Variants in SEMA4B observed in about 807,000 individuals in gnomAD.
SEMA4B encodes semaphorin-4B.
A neutral mutation model predicts 88.1 loss-of-function variants in SEMA4B; 55 were observed. The observed-to-expected ratio is 0.62, with a 90% CI of 0.50 to 0.78. SEMA4B has a LOEUF of 0.78. SEMA4B is among the 30% of genes least tolerant of loss of function. The pLI is 0.00. For synonymous variants in SEMA4B, 525 were observed against 473.6 expected (o/e 1.11, Z -1.41); for missense variants, 1,062 against 1,111.9 (o/e 0.96, Z 0.64).
intron 1 of SEMA4B, among the ~76,000 whole-genome samples, chr15:90,191,641 G>T (rs576718061): frequency 6.6e-6 from 1 of 152,338 alleles, no homozygotes; most frequent in East Asian, 1.9e-4. Flanking sequence ...GAACCTGTGT[G>T]CTCAACCACT....
At chr15:90,189,611 A>G (rs2151582430) in intron 1 of SEMA4B, among the ~76,000 whole-genome samples, 1 of 152,142 alleles carries the variant, frequency 6.6e-6, no homozygotes, top group East Asian at 1.9e-4. Context: ...ATTTCATGTC[A>G]AGGTTATATA....
chr15:90,227,242 C>A, intron 12 of SEMA4B: 1 of 303,144 alleles, frequency 3.3e-6, no homozygotes, highest in Non-Finnish European at 6.2e-6. Flanking sequence ...GAGATGGGGT[C>A]TCGCTATGTT....
Position 90,212,754 on chromosome 15 carries a change from C to T in SEMA4B, c.158-4685C>T, listed in dbSNP as rs1961334300. On this transcript the variant is annotated intron_variant, in intron 1 of 13. Transcript: ENST00000411539. This position sits in a 1 kb window ranked among gnomAD's most constrained non-coding sequence, Gnocchi z 4.0. ...GCACCTGGGCCCTTAGACAGTAACA[C>T]CACTCACACCGAGCACAGACCAGCT... 6.6e-6 allele frequency among the ~76,000 whole-genome samples: 1 copy of T among 152,208 alleles called. No individual in the cohort carries two copies. The highest frequency in any genetic ancestry group is 2.1e-4 in the South Asian group (1 of 4,834).
Position 90,229,620 on chromosome 15 carries a change from TTA to T in SEMA4B, c.*979_*980del, listed in dbSNP as rs1031532013. The T allele has an allele frequency of 2.7e-5, 9 of 334,452 alleles. No individual in the cohort carries two copies. Among genetic ancestry groups the T allele is most frequent in the South Asian group, 1.4e-4 (6 of 44,328 alleles). 20.7% of individuals were successfully genotyped at this position (334,452 alleles called of 1,614,324 possible). On this transcript the variant is annotated 3_prime_UTR_variant, in exon 14 of 14. Coordinates refer to ENST00000411539, the MANE Select transcript of SEMA4B (RefSeq NM_198925.4). ...TATACATTTTTTAATAAGATGCACTTTATGTCATTTTTTAATAAAGTCTGAAG... is the reference window on the plus strand; with the variant it reads ...TATACATTTTTTAATAAGATGCACTTTGTCATTTTTTAATAAAGTCTGAAG...
chr15:90,202,282 C>G (rs1163732973), intron 1 of SEMA4B, among the ~76,000 whole-genome samples: 5 of 152,138 alleles, frequency 3.3e-5, no homozygotes, highest in African/African-American at 1.2e-4. Context: ...TGGGAGCGAC[C>G]AGACTGCGGA....
chr15:90,217,883 A>G (rs896058753), intron 3 of SEMA4B, 54 bp downstream of exon 3: 7 of 1,482,078 alleles, frequency 4.7e-6, no homozygotes, highest in African/African-American at 4.2e-5. Context: ...AGGGTGGTGG[A>G]CTTCCATCCA....
chr15:90,200,932 C>T (rs1304938914), upstream of SEMA4B, among the ~76,000 whole-genome samples: 1 of 152,180 alleles, frequency 6.6e-6, no homozygotes, highest in Non-Finnish European at 1.5e-5. Flanking sequence ...GTCGCAGGAA[C>T]AAGGGGGTCG....
chr15:90,203,885 C>T (rs1567047474), intron 1 of SEMA4B, among the ~76,000 whole-genome samples: 1 of 152,208 alleles, frequency 6.6e-6, no homozygotes, highest in Admixed American at 6.5e-5. Flanking sequence ...AGTGTAGTGG[C>T]ACCTAGCTAC....
chr15:90,201,461 C>T lies in SEMA4B; in HGVS notation c.-118C>T, dbSNP rs1960718223. On this transcript the variant is annotated 5_prime_UTR_variant, in exon 1 of 14. Coordinates refer to ENST00000411539, the MANE Select transcript of SEMA4B (RefSeq NM_198925.4). ...TTTCCCACCTCCCGCCCCCCAGGTC[C>T]GGAGGCGGGGGCCCCCGGGGCGACT... is the stretch of plus-strand genomic sequence containing the variant. 28 of 1,305,380 alleles carry T rather than the reference C, an allele frequency of 2.1e-5. No homozygotes were observed. Among genetic ancestry groups the T allele is most frequent in the Non-Finnish European group, 2.6e-5 (27 of 1,030,238 alleles). 80.9% of individuals were successfully genotyped at this position (1,305,380 alleles called of 1,614,324 possible). A position where few individuals can be genotyped will look rare whatever the true frequency, so the allele number is the denominator to read the frequency against.
rs1226444747 is a variant in SEMA4B, at chr15:90,201,596, G to A, written c.18G>A (p.Met6Ile). Residue 6 changes from methionine to isoleucine, a missense_variant, in exon 1 of 14, where the codon ATG (methionine) becomes ATA (isoleucine). Transcript: ENST00000411539. The stretch of plus-strand genomic sequence containing the variant: ...CTCTCCGAATGCTGCGCACCGCGAT[G>A]GGCCTGAGGAGCTGGCTCGCCGCCC... MLRTA[M>I]GLRSWLAAPW... 1 of 1,506,214 alleles carries A rather than the reference G, an allele frequency of 6.6e-7. No individual in the cohort carries two copies. The highest frequency in any genetic ancestry group is 1.2e-5 in the South Asian group (1 of 81,526). The allele number at this position is 1,506,214 out of a possible 1,614,324, so 93.3% of individuals were successfully genotyped here. A position where few individuals can be genotyped will look rare whatever the true frequency, so the allele number is the denominator to read the frequency against.
intron 9 of SEMA4B, among the ~76,000 whole-genome samples, chr15:90,224,415 A>G (rs1962034479): frequency 1.3e-5 from 2 of 152,212 alleles, no homozygotes; most frequent in Non-Finnish European, 2.9e-5. Context: ...CAAATAGTTT[A>G]TTAGGGAGGT....
intron 1 of SEMA4B, among the ~76,000 whole-genome samples, chr15:90,185,252 C>G (rs993912968): frequency 6.6e-6 from 1 of 152,240 alleles, no homozygotes; most frequent in Non-Finnish European, 1.5e-5. Flanking sequence ...GGCCCGCCGC[C>G]CGGGGAGCCT....
Position 90,216,092 on chromosome 15 carries a change from G to A in SEMA4B, c.158-1347G>A, listed in dbSNP as rs538196433. ...CAACCTCTGCATCCCAGGTTCAAGC[G>A]ATTCTCCTGCCTCAGCCTCCCGAGT... On this transcript the variant is annotated intron_variant, in intron 1 of 13. Transcript: ENST00000411539. Among the ~76,000 whole-genome samples, 6 of 151,384 alleles carry A rather than the reference G, an allele frequency of 4.0e-5. No individual in the cohort carries two copies. In the South Asian group the frequency reaches 6.3e-4, roughly 16 times the overall value.
At chr15:90,220,202 T>C (rs1283172654) in intron 4 of SEMA4B, 1 of 309,660 alleles carries the variant, frequency 3.2e-6, no homozygotes, top group Non-Finnish European at 6.0e-6. Flanking sequence ...CTTGATTCTC[T>C]TGTCTTATCT....
rs1224220546 is a variant in SEMA4B, at chr15:90,201,464, AGGCGGGGGCCCCCGGGGCGACTCGGG to A, written c.-109_-84del. ...CCCACCTCCCGCCCCCCAGGTCCGGAGGCGGGGGCCCCCGGGGCGACTCGGGGGCGGACCGCGGGGCGGAGCTGCCG... is the reference window on the plus strand; with the variant it reads ...CCCACCTCCCGCCCCCCAGGTCCGGAGGCGGACCGCGGGGCGGAGCTGCCG... On this transcript the variant is annotated 5_prime_UTR_variant, in exon 1 of 14. Coordinates refer to ENST00000411539, the MANE Select transcript of SEMA4B (RefSeq NM_198925.4). The A allele has an allele frequency of 4.6e-6, 6 of 1,304,692 alleles. No homozygotes were observed. The African/African-American group carries it at 7.8e-5, about 17-fold the overall frequency. 80.8% of individuals were successfully genotyped at this position (1,304,692 alleles called of 1,614,324 possible).
At chr15:90,193,206 A>G (rs796555615) in intron 1 of SEMA4B, 47 of 152,382 alleles carry the variant, frequency 3.1e-4, no homozygotes, top group African/African-American at 1.1e-3. Context: ...GCAAAGGGGA[A>G]CAGGAGACAC....
At chr15:90,216,578 A>T (rs527878363) in intron 1 of SEMA4B, among the ~76,000 whole-genome samples, 3 of 152,320 alleles carry the variant, frequency 2.0e-5, no homozygotes, top group African/African-American at 7.2e-5. Context: ...AATAACCATC[A>T]GTCTCAAAGA....
intron 1 of SEMA4B, chr15:90,206,849 T>C (rs552119767): frequency 1.9e-5 from 14 of 720,510 alleles, no homozygotes; most frequent in Non-Finnish European, 2.8e-5. Flanking sequence ...CTCTGTCAAA[T>C]TGACAGAGAG....
At chr15:90,199,685 G>T (rs1960632513), upstream of SEMA4B, among the ~76,000 whole-genome samples, 1 of 152,136 alleles carries the variant, frequency 6.6e-6, no homozygotes, top group Non-Finnish European at 1.5e-5. Flanking sequence ...AATTAGCGGG[G>T]TGTGGTGGCA....
Sources: allele counts gnomAD v4.1 joint callset (sites outside exome capture counted in the v4.1 genomes callset), GRCh38; gene constraint gnomAD v4.1.1; non-coding constraint Gnocchi (gnomAD v3.1); transcripts MANE v1.5; gene names NCBI Gene and HGNC (gene_info 2026-07-23, HGNC 2026-07-21).